Variants in TPRKB observed in about 807,000 individuals in gnomAD.
The protein encoded by TPRKB is EKC/KEOPS complex subunit TPRKB.
In TPRKB, 11 loss-of-function variants were observed where a neutral mutation model predicts 17.8. That is an observed-to-expected ratio of 0.62 (90% CI 0.39 to 1.02). TPRKB has a LOEUF of 1.02. Ranked by LOEUF, TPRKB falls within the 50% of genes least tolerant of loss-of-function variation. The pLI is 0.00. For missense variants in TPRKB, 228 were observed against 198.0 expected (o/e 1.15, Z -0.91); for synonymous variants, 71 against 69.5 (o/e 1.02, Z -0.11).
At chr2:73,737,178 C>T (rs1220737671) in intron 1 of TPRKB, 124 bp downstream of exon 1, 1 of 152,340 alleles carries the variant, frequency 6.6e-6, no homozygotes, top group Non-Finnish European at 1.5e-5. Flanking sequence ...TGCTGCATTC[C>T]CAGGGGCTGG....
At chr2:73,730,448 A>T (rs1671545499) in intron 4 of TPRKB, 112 bp downstream of exon 4, 1 of 703,476 alleles carries the variant, frequency 1.4e-6, no homozygotes. Flanking sequence ...TTAAAATTAG[A>T]TTAACTTTCT....
At chr2:73,732,435 G>A in intron 2 of TPRKB, 150 bp from the exon 3 acceptor site, 1 of 906,852 alleles carries the variant, frequency 1.1e-6, no homozygotes, top group Non-Finnish European at 1.6e-6. Context: ...ATCCCGGCTG[G>A]GCACGGTGGC....
rs777325976 is a variant in TPRKB at position 73,730,559 on chromosome 2, C to A, written c.441+1G>T. 9 of 1,575,890 alleles carry A rather than the reference C, an allele frequency of 5.7e-6. No individual in the cohort carries two copies. Among genetic ancestry groups the A allele is most frequent in the Admixed American group, 1.9e-5 (1 of 51,468 alleles). On this transcript the variant is annotated splice_donor_variant, in intron 4 of 4. Coordinates refer to ENST00000272424, the MANE Select transcript of TPRKB (RefSeq NM_016058.5). LOFTEE classifies it high-confidence loss of function. The stretch of plus-strand genomic sequence containing the variant: ...CTTTCTAAAAATATGGACTGGCAAA[C>A]CTTTTTGACTTCTGTAATATTCATT...
In TPRKB at chr2:73,732,707, C is replaced by CA. The variant is rs546442735; in HGVS notation, c.142-423dup. The CA allele has an allele frequency of 0.02, 2,026 of 99,394 alleles. 13 individuals are homozygous for CA. The highest frequency in any genetic ancestry group is 0.084 in the East Asian group (279 of 3,336). 6.2% of individuals were successfully genotyped at this position (99,394 alleles called of 1,614,324 possible). On this transcript the variant is annotated intron_variant, in intron 2 of 4. Transcript: ENST00000272424. ...CTGGGCAACAAGAGTGAAACTGTCT[C>CA]AAAAAAAAAAAAAACAAAAAACAAC...
intron 2 of TPRKB, among the ~76,000 whole-genome samples, chr2:73,733,007 C>A (rs1671692886): frequency 6.6e-6 from 1 of 152,132 alleles, no homozygotes; most frequent in African/African-American, 2.4e-5. Context: ...CCATCTCTGT[C>A]ACCTATCACC....
intron 2 of TPRKB, 44 bp from the exon 3 acceptor site, chr2:73,732,329 G>C: frequency 6.3e-7 from 1 of 1,592,086 alleles, no homozygotes; most frequent in Non-Finnish European, 8.6e-7. Flanking sequence ...TGGAGAATCT[G>C]CAGTGCCTGA....
chr2:73,732,537 CCTCT>C (rs752702926), intron 2 of TPRKB: 6 of 388,844 alleles, frequency 1.5e-5, no homozygotes, highest in Middle Eastern at 1.5e-3. Context: ...ACGGCGAAAC[CCTCT>C]CTACTAAAAA....
intron 2 of TPRKB, among the ~76,000 whole-genome samples, chr2:73,733,334 C>T (rs1671722366): frequency 7.1e-6 from 1 of 140,014 alleles, no homozygotes; most frequent in African/African-American, 2.6e-5. Flanking sequence ...TCTCAATTCA[C>T]TGTAACCTCC....
At chr2:73,730,098 C>CA in intron 4 of TPRKB, 69 bp from the exon 5 acceptor site, 1 of 1,453,670 alleles carries the variant, frequency 6.9e-7, no homozygotes, top group Non-Finnish European at 9.2e-7. Context: ...ATTATACAAA[C>CA]ATGTGTAAGT....
chr2:73,734,889 A>C (rs1671809128), intron 1 of TPRKB, among the ~76,000 whole-genome samples: 1 of 152,218 alleles, frequency 6.6e-6, no homozygotes, highest in African/African-American at 2.4e-5. Context: ...GTAGGAGCAG[A>C]ATGTCAGGAA....
intron 1 of TPRKB, 72 bp from the exon 2 acceptor site, chr2:73,734,663 T>G (rs1021843972): frequency 1.5e-6 from 2 of 1,332,132 alleles, no homozygotes; most frequent in Middle Eastern, 2.2e-4. Context: ...TTAATAAATA[T>G]TCAAAAACTT....
In TPRKB at chr2:73,732,302, A is replaced by T; in HGVS notation, c.142-17T>A. On this transcript the variant is annotated splice_polypyrimidine_tract_variant and intron_variant, in intron 2 of 4. Coordinates refer to ENST00000272424, the MANE Select transcript of TPRKB (RefSeq NM_016058.5). ...ATCAACAATCTACCAAAGCAAGGAA[A>T]AAGAATTAATTACACATGGAGAATC... 2.5e-6 allele frequency: 4 copies of T among 1,608,306 alleles called. No individual in the cohort carries two copies. Among genetic ancestry groups the T allele is most frequent in the Non-Finnish European group, 3.4e-6 (4 of 1,178,208 alleles).
At chr2:73,736,584 C>T (rs1368309420) in intron 1 of TPRKB, among the ~76,000 whole-genome samples, 1 of 152,194 alleles carries the variant, frequency 6.6e-6, no homozygotes, top group Non-Finnish European at 1.5e-5. Flanking sequence ...CACTCAAATC[C>T]TATATCTAAT....
At chr2:73,732,087 T>C in intron 3 of TPRKB, 76 bp downstream of exon 3, 1 of 1,499,884 alleles carries the variant, frequency 6.7e-7, no homozygotes, top group African/African-American at 1.4e-5. Context: ...TTGCAGGAAT[T>C]TAGCCTCCAA....
At chr2:73,735,354 G>A (rs1483970934) in intron 1 of TPRKB, among the ~76,000 whole-genome samples, 4 of 151,750 alleles carry the variant, frequency 2.6e-5, no homozygotes, top group Non-Finnish European at 5.9e-5. Flanking sequence ...AGAATAGGGG[G>A]AAGGGATAGC....
At chr2:73,737,129 A>T (rs1323583494) in intron 1 of TPRKB, among the ~76,000 whole-genome samples, 173 bp downstream of exon 1, 1 of 152,062 alleles carries the variant, frequency 6.6e-6, no homozygotes, top group Admixed American at 6.5e-5. Context: ...TCCTCACTAA[A>T]CTATTTCTTG....
In TPRKB at chr2:73,730,679, C is replaced by G. The variant is rs377749247; in HGVS notation, c.322G>C (p.Val108Leu). 2.5e-5 allele frequency: 39 copies of G among 1,564,740 alleles called. No homozygotes were observed. The African/African-American group carries it at 4.8e-4, about 19-fold the overall frequency. ...TGTTTTTCTCCCTCTTCAATGTAAACAATTAGAATTGAAGTGTCATTTGCT... is the reference window on the plus strand; with the variant it reads ...TGTTTTTCTCCCTCTTCAATGTAAAGAATTAGAATTGAAGTGTCATTTGCT... ...ISANDTSILI[V>L]YIEEGEKQIN... is the part of the protein sequence containing the mutation. Residue 108 changes from valine to leucine, a missense_variant, in exon 4 of 5, where the codon GTT (valine) becomes CTT (leucine). By Grantham distance (32) the Val-to-Leu change is conservative. Coordinates refer to ENST00000272424, the MANE Select transcript of TPRKB (RefSeq NM_016058.5).
At chr2:73,735,607 T>G (rs1671844081) in intron 1 of TPRKB, among the ~76,000 whole-genome samples, 1 of 152,094 alleles carries the variant, frequency 6.6e-6, no homozygotes, top group South Asian at 2.1e-4. Context: ...GGACATAAGC[T>G]TAACAAGAAA....
intron 2 of TPRKB, 125 bp downstream of exon 2, chr2:73,734,304 G>A (rs922268220): frequency 1.6e-5 from 14 of 900,348 alleles, no homozygotes; most frequent in Non-Finnish European, 2.1e-5. Flanking sequence ...TCACCATGTT[G>A]GCCAGGCTGG....
Sources: gnomAD v4.1 joint callset for allele counts (sites outside exome capture counted in the v4.1 genomes callset) on GRCh38, gnomAD v4.1.1 for gene constraint, MANE v1.5 for transcripts, NCBI Gene and HGNC (gene_info 2026-07-23, HGNC 2026-07-21) for gene names.